The following BCR variants were observed in gnomAD, a reference collection of about 807,000 sequenced individuals.
The protein encoded by BCR is breakpoint cluster region protein.
A neutral mutation model predicts 138.6 loss-of-function variants in BCR; 58 were observed. That is an observed-to-expected ratio of 0.42 (90% CI 0.34 to 0.52). The LOEUF (loss-of-function observed/expected upper bound fraction) is 0.52. Among genes scored for constraint, BCR ranks in the 20% least tolerant of loss-of-function variants. The probability of loss-of-function intolerance (pLI) is 0.06; values close to 1 mark genes in which losing one functional copy is unlikely to be tolerated. For missense variants in BCR, 1,599 were observed against 1,727.2 expected (o/e 0.93, Z 1.32); for synonymous variants, 786 against 730.1 (o/e 1.08, Z -1.23).
rs772099139 is a variant in BCR at position 23,287,266 on chromosome 22, C to T, written c.2514C>T (p.Ser838=). 30 of 1,549,616 alleles carry T rather than the reference C, an allele frequency of 1.9e-5. No individual in the cohort carries two copies. The highest frequency in any genetic ancestry group is 5.9e-5 in the Admixed American group (3 of 51,084). Residue 838 remains serine, a synonymous_variant, in exon 11 of 23, where the codon AGC becomes AGT. Coordinates refer to ENST00000305877, the MANE Select transcript of BCR (RefSeq NM_004327.4). ...CCAGCATGGCCTTCAGGGTGCACAG[C>T]CGCAACGGCAAGGTGAGCGCCTGCT... The part of the protein sequence containing the change: ...MSPSMAFRVH[S]RNGKSYTFLI...
At chr22:23,298,466 G>A (rs2073868914) in intron 16 of BCR, among the ~76,000 whole-genome samples, 1 of 152,236 alleles carries the variant, frequency 6.6e-6, no homozygotes, top group African/African-American at 2.4e-5. Context: ...ACCACACTCA[G>A]TGTGACCTGG....
At chr22:23,226,241 C>G (rs977295224) in intron 1 of BCR, among the ~76,000 whole-genome samples, 1 of 152,092 alleles carries the variant, frequency 6.6e-6, no homozygotes, top group Non-Finnish European at 1.5e-5. Context: ...TGAGCTTTCC[C>G]GTCAGAAATA....
chr22:23,183,081 C>G (rs1319043286), intron 1 of BCR, among the ~76,000 whole-genome samples: 1 of 152,188 alleles, frequency 6.6e-6, no homozygotes, highest in Non-Finnish European at 1.5e-5. Context: ...ATTTGGGGCT[C>G]CCAATCTGTG....
At chr22:23,311,951 A>AT (rs2074012723) in intron 19 of BCR, 115 bp downstream of exon 19, 28 of 1,471,368 alleles carry the variant, frequency 1.9e-5, no homozygotes, top group Middle Eastern at 2.5e-4. Context: ...TCTTTTCTTC[A>AT]TTTACTGTGT....
chr22:23,309,413 C>T lies in BCR; in HGVS notation c.3013-11C>T. On this transcript the variant is annotated splice_polypyrimidine_tract_variant and intron_variant, in intron 16 of 22. Transcript: ENST00000305877. ...CCAGGGCCTCTGCCAATCATGACTC[C>T]TTCCTTTCAGCTGGACCCGCAGGCC... 1.3e-6 allele frequency: 2 copies of T among 1,591,696 alleles called. No homozygotes were observed. The highest frequency in any genetic ancestry group is 1.7e-6 in the Non-Finnish European group (2 of 1,168,504).
Position 23,182,021 on chromosome 22 carries a change from C to T in BCR, c.1061C>T (p.Ser354Phe), listed in dbSNP as rs769785338. Residue 354 changes from serine (S) to phenylalanine (F), a missense_variant, in exon 1 of 23, where the codon TCC becomes TTC. This residue lies in a region of BCR where 806 missense variants were observed against 635.0 expected (regional missense o/e 1.27). Coordinates refer to ENST00000305877, the MANE Select transcript of BCR (RefSeq NM_004327.4). The stretch of plus-strand genomic sequence containing the variant: ...TCCTCTGGCCAGTCCAGCCGCGTGT[C>T]CCCAAGCCCCACCACCTACCGCATG... ...DFSSGQSSRV[S>F]PSPTTYRMFR... The T allele has an allele frequency of 7.4e-6, 12 of 1,612,802 alleles. No individual in the cohort carries two copies. In the East Asian group the frequency reaches 1.8e-4, roughly 24 times the overall value.
intron 1 of BCR, among the ~76,000 whole-genome samples, chr22:23,241,784 C>G (rs2073095726): frequency 1.3e-5 from 2 of 152,196 alleles, no homozygotes; most frequent in Admixed American, 6.5e-5. Context: ...CCTGCCCCAC[C>G]TCCAGTGCCA....
At chr22:23,296,899 A>C (rs994442451) in intron 16 of BCR, among the ~76,000 whole-genome samples, 1 of 152,246 alleles carries the variant, frequency 6.6e-6, no homozygotes, top group African/African-American at 2.4e-5. Context: ...CAGATGGGCC[A>C]CACCACTCTT....
chr22:23,252,760 C>G (rs530136523), intron 1 of BCR, among the ~76,000 whole-genome samples: 2 of 152,172 alleles, frequency 1.3e-5, no homozygotes, highest in Non-Finnish European at 2.9e-5. Context: ...CAACCCAACC[C>G]CCCTGTATGG....
Position 23,254,099 on chromosome 22 carries a change from TG to T in BCR, c.1461+122del, listed in dbSNP as rs979386120. The T allele has an allele frequency of 3.4e-5, 41 of 1,207,316 alleles. No homozygotes were observed. The African/African-American group carries it at 5.7e-4, about 17-fold the overall frequency. The allele number at this position is 1,207,316 out of a possible 1,614,324, so 74.8% of individuals were successfully genotyped here. A position where few individuals can be genotyped will look rare whatever the true frequency, so the allele number is the denominator to read the frequency against. On this transcript the variant is annotated intron_variant, in intron 2 of 22. Coordinates refer to ENST00000305877, the MANE Select transcript of BCR (RefSeq NM_004327.4). ...GAGCAGCCAATGGTTTGGAAGCGAG[TG>T]GGTCACCAAAAACTCCTTCCTCATC... is the stretch of plus-strand genomic sequence containing the variant.
intron 1 of BCR, among the ~76,000 whole-genome samples, chr22:23,195,420 C>CAAAAA (rs529306820): frequency 2.2e-5 from 2 of 92,282 alleles, no homozygotes; most frequent in East Asian, 3.0e-4. Flanking sequence ...AACTCCGTCT[C>CAAAAA]AAAAAAAAAA....
chr22:23,288,006 C>T (rs139723447), intron 11 of BCR, 91 bp from the exon 12 acceptor site: 84 of 1,244,742 alleles, frequency 6.7e-5, no homozygotes, highest in East Asian at 4.7e-4. Flanking sequence ...GCTGGAGATA[C>T]GAGTTGTGTG....
chr22:23,251,768 G>A (rs923684367), intron 1 of BCR, among the ~76,000 whole-genome samples: 2 of 152,328 alleles, frequency 1.3e-5, no homozygotes, highest in East Asian at 1.9e-4. Context: ...TGAGAGTGAC[G>A]TCACCCCATC....
intron 1 of BCR, among the ~76,000 whole-genome samples, chr22:23,225,128 A>G (rs1459044907): frequency 6.6e-6 from 1 of 151,790 alleles, no homozygotes; most frequent in African/African-American, 2.4e-5. Context: ...TTTCTGTTCA[A>G]TGAAAGGAAC....
At chr22:23,187,016 A>G (rs996323025) in intron 1 of BCR, among the ~76,000 whole-genome samples, 5 of 152,218 alleles carry the variant, frequency 3.3e-5, no homozygotes, top group Admixed American at 3.3e-4. Flanking sequence ...GATTATAGGC[A>G]TGAGCCACTG....
chr22:23,183,909 T>C (rs2072304353), intron 1 of BCR, among the ~76,000 whole-genome samples: 1 of 152,174 alleles, frequency 6.6e-6, no homozygotes, highest in African/African-American at 2.4e-5. Context: ...GGAATTATTA[T>C]AGAGGGATGG....
intron 1 of BCR, chr22:23,242,724 CCG>C (rs1197966224): frequency 5.8e-6 from 2 of 343,260 alleles, no homozygotes; most frequent in African/African-American, 4.3e-5. Flanking sequence ...CTCCATGGCA[CCG>C]AGTTCAGGCC....
At chr22:23,305,636 G>A (rs541903147) in intron 16 of BCR, among the ~76,000 whole-genome samples, 7 of 152,294 alleles carry the variant, frequency 4.6e-5, no homozygotes, top group Non-Finnish European at 8.8e-5. Flanking sequence ...GGATGTGCAC[G>A]ATAGTTTTCT....
At chr22:23,205,724 TTA>T (rs1472700078) in intron 1 of BCR, among the ~76,000 whole-genome samples, 1 of 152,152 alleles carries the variant, frequency 6.6e-6, no homozygotes, top group Non-Finnish European at 1.5e-5. Flanking sequence ...GTAACTAATT[TTA>T]TGTTTGTGGC....
Sources: allele counts gnomAD v4.1 joint callset (sites outside exome capture counted in the v4.1 genomes callset), GRCh38; gene constraint gnomAD v4.1.1; regional missense constraint gnomAD v4.1.1; transcripts MANE v1.5; gene names NCBI Gene and HGNC (gene_info 2026-07-23, HGNC 2026-07-21).